The following DCBLD1 variants were observed in gnomAD, a reference collection of about 807,000 sequenced individuals.
The protein encoded by DCBLD1 is discoidin, CUB and LCCL domain-containing protein 1.
In DCBLD1, 57 loss-of-function variants were observed where a neutral mutation model predicts 71.5. The observed-to-expected ratio is 0.80, with a 90% CI of 0.64 to 0.99. The LOEUF is 0.99. Among genes scored for constraint, DCBLD1 ranks in the 50% least tolerant of loss-of-function variants. The pLI is 0.00. For synonymous variants in DCBLD1, 380 were observed against 363.8 expected (o/e 1.04, Z -0.51); for missense variants, 891 against 923.5 (o/e 0.96, Z 0.46).
At chr6:117,533,641 A>G (rs1778795255) in intron 6 of DCBLD1, among the ~76,000 whole-genome samples, 1 of 152,208 alleles carries the variant, frequency 6.6e-6, no homozygotes, top group Non-Finnish European at 1.5e-5. Context: ...CGACTTACGA[A>G]CTCACATATA....
At chr6:117,509,857 A>G (rs1777959317) in intron 2 of DCBLD1, among the ~76,000 whole-genome samples, 1 of 152,174 alleles carries the variant, frequency 6.6e-6, no homozygotes, top group African/African-American at 2.4e-5. Context: ...AGCTCCATAT[A>G]CAGGTTTTCC....
chr6:117,554,864 G>C lies in DCBLD1; in HGVS notation c.1615+9267G>C, dbSNP rs919847351. 5.4e-5 allele frequency among the ~76,000 whole-genome samples: 8 copies of C among 149,384 alleles called. 1 individual carries two copies. In the East Asian group the frequency reaches 7.9e-4, roughly 15 times the overall value. On this transcript the variant is annotated intron_variant, in intron 14 of 14. Transcript: ENST00000296955. ...GCCGAGATCGAGTCACTGCACTCCA[G>C]CCTGGCAACAGAGCGAGACTCAGTT...
chr6:117,554,978 A>G (rs770175815), intron 14 of DCBLD1, among the ~76,000 whole-genome samples: 4 of 152,000 alleles, frequency 2.6e-5, no homozygotes, highest in Non-Finnish European at 5.9e-5. Flanking sequence ...GACAGAAACA[A>G]TTTAGAATTT....
At chr6:117,483,456 G>A (rs976387652) in intron 1 of DCBLD1, among the ~76,000 whole-genome samples, 12 of 152,208 alleles carry the variant, frequency 7.9e-5, no homozygotes, top group Non-Finnish European at 1.6e-4. Flanking sequence ...TGGCGAGCAG[G>A]CGGTGCTGCC....
chr6:117,506,990 A>G (rs1777865718), intron 2 of DCBLD1, among the ~76,000 whole-genome samples: 1 of 152,208 alleles, frequency 6.6e-6, no homozygotes, highest in African/African-American at 2.4e-5. Context: ...TAACCAACTA[A>G]TTGTTAAAAC....
chr6:117,547,228 G>A (rs1187792454), intron 14 of DCBLD1, among the ~76,000 whole-genome samples: 3 of 152,124 alleles, frequency 2.0e-5, no homozygotes, highest in Admixed American at 6.5e-5. Flanking sequence ...GCTCTAACGC[G>A]TGGCTAACAG....
At chr6:117,507,904 G>T (rs1326451622) in intron 2 of DCBLD1, 3 of 152,228 alleles carry the variant, frequency 2.0e-5, no homozygotes, top group African/African-American at 7.2e-5. Flanking sequence ...ATGAGGTCAT[G>T]TGTCCCTTCA....
intron 1 of DCBLD1, among the ~76,000 whole-genome samples, chr6:117,491,003 T>A (rs1022019066): frequency 6.6e-6 from 1 of 152,218 alleles, no homozygotes; most frequent in African/African-American, 2.4e-5. Context: ...CAAAAGGATA[T>A]TAAAAGTGTG....
intron 3 of DCBLD1, among the ~76,000 whole-genome samples, chr6:117,520,506 C>T (rs905768221): frequency 1.3e-5 from 2 of 152,168 alleles, no homozygotes; most frequent in Non-Finnish European, 2.9e-5. Context: ...TCAGGGGCAA[C>T]GCTTTTCACC....
At chr6:117,484,633 G>A (rs74970429) in intron 1 of DCBLD1, among the ~76,000 whole-genome samples, 3,749 of 152,272 alleles carry the variant, frequency 0.025, 64 homozygotes, top group Non-Finnish European at 0.037. Context: ...ACAGGCATGT[G>A]TGGTTGCTTA....
intron 1 of DCBLD1, chr6:117,495,009 G>A (rs893712693): frequency 1.3e-5 from 2 of 152,194 alleles, no homozygotes; most frequent in Non-Finnish European, 2.9e-5. Context: ...GAAAAAGGTG[G>A]AATTCTGCAA....
intron 11 of DCBLD1, among the ~76,000 whole-genome samples, 189 bp from the exon 12 acceptor site, chr6:117,542,935 T>C (rs570314616): frequency 6.6e-6 from 1 of 152,298 alleles, no homozygotes; most frequent in African/African-American, 2.4e-5. Flanking sequence ...AATTTTACTT[T>C]CCCAAACTTT....
rs536471717 is a variant in DCBLD1 at position 117,502,776 on chromosome 6, TTGCAATCTGAA to T, written c.113-986_113-976del. Among the ~76,000 whole-genome samples, 49 of 152,318 alleles carry T rather than the reference TTGCAATCTGAA, an allele frequency of 3.2e-4. No homozygotes were observed. In the East Asian group the frequency reaches 5.0e-3, roughly 16 times the overall value. On this transcript the variant is annotated intron_variant, in intron 1 of 14. Coordinates refer to ENST00000338728, the MANE Select transcript of DCBLD1 (RefSeq NM_001366458.2). The stretch of plus-strand genomic sequence containing the variant: ...TGAAGCTGTGCTAACCACAGACATT[TTGCAATCTGAA>T]TGCAGTGTATGCTCATTCTCCTTGC...
rs573378621 is a variant in DCBLD1, at chr6:117,482,992, G to A, written c.112+99G>A. 3.3e-4 allele frequency: 338 copies of A among 1,019,786 alleles called. 1 individual carries two copies. The African/African-American group carries it at 4.9e-3, about 15-fold the overall frequency. 63.2% of individuals were successfully genotyped at this position (1,019,786 alleles called of 1,614,324 possible). A position where few individuals can be genotyped will look rare whatever the true frequency, so the allele number is the denominator to read the frequency against. The stretch of plus-strand genomic sequence containing the variant: ...GGCCGGGCCGAGGGCTACGGGGCGG[G>A]CCGGGCCTGGGGGGACGGAGCGCGG... On this transcript the variant is annotated intron_variant, in intron 1 of 14. Coordinates refer to ENST00000338728, the MANE Select transcript of DCBLD1 (RefSeq NM_001366458.2).
Position 117,540,745 on chromosome 6 carries a change from G to T in DCBLD1, c.1179G>T (p.Arg393=). 1 of 1,614,232 alleles carries T rather than the reference G, an allele frequency of 6.2e-7. No individual in the cohort carries two copies. Among genetic ancestry groups the T allele is most frequent in the East Asian group, 2.2e-5 (1 of 44,886 alleles). The change falls in exon 10 of 15, where the codon CGG becomes CGT. Residue 393 remains arginine (R), a synonymous_variant. Transcript: ENST00000338728. ...FIPPIVARYV[R]VVPQTWHQRI... is the part of the protein sequence containing the mutation. ...CTCCCATCGTGGCCAGATATGTGCG[G>T]GTTGTCCCCCAGACATGGCACCAGA...
chr6:117,493,283 C>T (rs2114382525), intron 1 of DCBLD1, among the ~76,000 whole-genome samples: 1 of 152,252 alleles, frequency 6.6e-6, no homozygotes, highest in Middle Eastern at 3.4e-3. Context: ...TGCATTTTGA[C>T]AAGATCCCCA....
intron 14 of DCBLD1, among the ~76,000 whole-genome samples, chr6:117,559,630 A>C (rs1374136592): frequency 1.3e-5 from 2 of 152,168 alleles, no homozygotes; most frequent in Non-Finnish European, 2.9e-5. Flanking sequence ...ATAGCTCTCA[A>C]ATCACACCTG....
chr6:117,501,288 C>T (rs1246074179), intron 1 of DCBLD1, among the ~76,000 whole-genome samples: 1 of 152,110 alleles, frequency 6.6e-6, no homozygotes, highest in Non-Finnish European at 1.5e-5. Context: ...GTCACTAGCC[C>T]TGTGAGAATG....
Position 117,549,036 on chromosome 6 carries a change from G to A in DCBLD1, c.*597G>A. On this transcript the variant is annotated 3_prime_UTR_variant, in exon 15 of 15. Coordinates refer to ENST00000338728, the MANE Select transcript of DCBLD1 (RefSeq NM_001366458.2). ...CTTGAAGCATGAAAAGCACACCAGG[G>A]TGGTTGTTTATTTAGCAATTATGAC... is the stretch of plus-strand genomic sequence containing the variant. The A allele has an allele frequency of 1.0e-6, 1 of 986,416 alleles. No individual in the cohort carries two copies. The highest frequency in any genetic ancestry group is 1.2e-6 in the Non-Finnish European group (1 of 830,730). 61.1% of individuals were successfully genotyped at this position (986,416 alleles called of 1,614,324 possible). A position where few individuals can be genotyped will look rare whatever the true frequency, so the allele number is the denominator to read the frequency against.
Sources: gnomAD v4.1 joint callset for allele counts (sites outside exome capture counted in the v4.1 genomes callset) on GRCh38, gnomAD v4.1.1 for gene constraint, MANE v1.5 for transcripts, NCBI Gene and HGNC (gene_info 2026-07-23, HGNC 2026-07-21) for gene names.